The following SRD5A1 variants were observed in gnomAD, a reference collection of about 807,000 sequenced individuals.
SRD5A1 encodes the protein 3-oxo-5-alpha-steroid 4-dehydrogenase 1.
In SRD5A1, 22 loss-of-function variants were observed where a neutral mutation model predicts 28.2. The observed-to-expected ratio is 0.78, with a 90% confidence interval of 0.56 to 1.12. The LOEUF (loss-of-function observed/expected upper bound fraction) is 1.12. Ranked by LOEUF, SRD5A1 falls within the 50% of genes most tolerant of loss-of-function variation. The probability of loss-of-function intolerance (pLI) is 0.00; values close to 1 mark genes in which losing one functional copy is unlikely to be tolerated. For missense variants in SRD5A1, 300 were observed against 346.7 expected, an observed-to-expected ratio of 0.87 and a Z score of 1.07; for synonymous variants, 151 against 135.0, an observed-to-expected ratio of 1.12 and a Z score of -0.82.
intron 2 of SRD5A1, among the ~76,000 whole-genome samples, chr5:6,654,261 T>C (rs1450901061): frequency 1.3e-5 from 2 of 152,022 alleles, no homozygotes. Context: ...TTCATCATGT[T>C]GGCCAGACTG....
At chr5:6,662,328 G>A (rs1739032418) in intron 3 of SRD5A1, among the ~76,000 whole-genome samples, 1 of 152,240 alleles carries the variant, frequency 6.6e-6, no homozygotes, top group South Asian at 2.1e-4. Context: ...TCATGACACT[G>A]GAGTTCATGG....
intron 3 of SRD5A1, among the ~76,000 whole-genome samples, chr5:6,659,741 G>A (rs1738949239): frequency 2.6e-5 from 4 of 152,236 alleles, no homozygotes; most frequent in African/African-American, 9.6e-5. Context: ...GCAGCAACAC[G>A]AGAGGCCCAA....
chr5:6,658,684 C>T (rs1242274220), intron 3 of SRD5A1, among the ~76,000 whole-genome samples: 1 of 152,166 alleles, frequency 6.6e-6, no homozygotes, highest in African/African-American at 2.4e-5. Context: ...AATTTCTCCT[C>T]TCCAAGTACT....
chr5:6,647,732 C>G (rs996603418), intron 1 of SRD5A1, among the ~76,000 whole-genome samples: 2 of 152,142 alleles, frequency 1.3e-5, no homozygotes, highest in Non-Finnish European at 2.9e-5. Flanking sequence ...GTTTGCCAGT[C>G]TGTGTCTTTT....
chr5:6,637,022 C>T (rs1016744712), intron 1 of SRD5A1, among the ~76,000 whole-genome samples: 1 of 152,128 alleles, frequency 6.6e-6, no homozygotes, highest in Admixed American at 6.5e-5. Context: ...TTAGGGCTCA[C>T]GGTAGCGACA....
intron 3 of SRD5A1, among the ~76,000 whole-genome samples, chr5:6,659,894 C>T (rs371152690): frequency 6.6e-6 from 1 of 152,186 alleles, no homozygotes; most frequent in South Asian, 2.1e-4. Flanking sequence ...CAGCTCCCTT[C>T]GCTGCAGACT....
chr5:6,649,203 C>T (rs1738593661), intron 1 of SRD5A1, among the ~76,000 whole-genome samples: 1 of 152,288 alleles, frequency 6.6e-6, no homozygotes, highest in South Asian at 2.1e-4. Flanking sequence ...CACAGGGGGT[C>T]AGGGACCCAC....
At chr5:6,635,250 C>T (rs893632646) in intron 1 of SRD5A1, among the ~76,000 whole-genome samples, 1 of 152,144 alleles carries the variant, frequency 6.6e-6, no homozygotes, top group African/African-American at 2.4e-5. Context: ...TAAACAAGGG[C>T]AAGTCAACAT....
At chr5:6,639,937 GT>G (rs1374599776) in intron 1 of SRD5A1, among the ~76,000 whole-genome samples, 2 of 152,116 alleles carry the variant, frequency 1.3e-5, no homozygotes, top group Non-Finnish European at 2.9e-5. Flanking sequence ...CTTTTAATAA[GT>G]TTTTTTCTAA....
intron 3 of SRD5A1, among the ~76,000 whole-genome samples, chr5:6,656,861 C>T (rs1170084956): frequency 1.3e-5 from 2 of 152,130 alleles, no homozygotes; most frequent in Non-Finnish European, 2.9e-5. Context: ...GAGGCACGGT[C>T]ACAAGGTACA....
intron 1 of SRD5A1, 92 bp downstream of exon 1, chr5:6,633,961 C>A (rs373452172): frequency 1.4e-6 from 2 of 1,386,866 alleles, no homozygotes; most frequent in Non-Finnish European, 2.0e-6. Flanking sequence ...CTCCCCGAAG[C>A]CTCCCCCACC....
chr5:6,641,239 CAAAG>C (rs1384133014), intron 1 of SRD5A1, among the ~76,000 whole-genome samples: 1 of 152,204 alleles, frequency 6.6e-6, no homozygotes, highest in East Asian at 1.9e-4. Flanking sequence ...AGAGTCTAAA[CAAAG>C]ACTCAGGTAA....
At position 6,650,482 on chromosome 5, in the gene SRD5A1, C is replaced by A. The variant is rs549305835; in HGVS notation, c.294-1360C>A. On this transcript the variant is annotated intron_variant, in intron 1 of 4. Transcript: ENST00000274192. ...GGATATGTAGTGATGTCCCCTCTTT[C>A]AATGTGTTATACACTTATATTAAAA... Among the ~76,000 whole-genome samples, 9 of 151,410 alleles carry A rather than the reference C, an allele frequency of 5.9e-5. No individual in the cohort carries two copies. The East Asian group carries it at 1.7e-3, about 29-fold the overall frequency.
rs757121026 is a variant in SRD5A1, at chr5:6,633,643, G to T, written c.67G>T (p.Val23Leu). ...LAALAYLQCA[V>L]GCAVFARNRQ... ...CGCGCTCGCCTACCTGCAGTGCGCC[G>T]TGGGCTGCGCGGTCTTCGCGCGCAA... Residue 23 changes from valine to leucine, a missense_variant, in exon 1 of 5, where the codon GTG becomes TTG. Around this residue, in one of 2 missense-constraint regions of SRD5A1, gnomAD observed 174 missense variants for 160.9 expected, o/e 1.08. Coordinates refer to ENST00000274192, the MANE Select transcript of SRD5A1 (RefSeq NM_001047.4). 9.6e-6 allele frequency: 15 copies of T among 1,560,000 alleles called. No homozygotes were observed. Among genetic ancestry groups the T allele is most frequent in the Non-Finnish European group, 1.3e-5 (15 of 1,160,194 alleles).
At chr5:6,639,967 T>C (rs1185319984) in intron 1 of SRD5A1, among the ~76,000 whole-genome samples, 2 of 152,258 alleles carry the variant, frequency 1.3e-5, no homozygotes, top group South Asian at 4.1e-4. Flanking sequence ...GATACACACA[T>C]ACACATACAA....
intron 4 of SRD5A1, among the ~76,000 whole-genome samples, chr5:6,667,402 A>G (rs8192250): frequency 0.025 from 3,815 of 152,016 alleles, 52 homozygotes; most frequent in Non-Finnish European, 0.029. Context: ...GGTTTTGCCA[A>G]CTCCCTCTCA....
chr5:6,652,891 A>C (rs1738721290), intron 2 of SRD5A1, among the ~76,000 whole-genome samples: 1 of 151,798 alleles, frequency 6.6e-6, no homozygotes, highest in Non-Finnish European at 1.5e-5. Flanking sequence ...AAAAAAAAAA[A>C]AACTCAGGGA....
At chr5:6,654,894 G>A (rs932291765) in intron 2 of SRD5A1, among the ~76,000 whole-genome samples, 16 of 152,128 alleles carry the variant, frequency 1.1e-4, no homozygotes, top group African/African-American at 3.4e-4. Context: ...TCTCATATTG[G>A]AAGCCAAATT....
At chr5:6,668,089 T>C (rs1455283409) in intron 4 of SRD5A1, 113 bp from the exon 5 acceptor site, 8 of 628,956 alleles carry the variant, frequency 1.3e-5, no homozygotes, top group East Asian at 6.0e-5. Context: ...TTTTTGTTAC[T>C]ACATTTAAAA....
Sources: allele counts gnomAD v4.1 joint callset (sites outside exome capture counted in the v4.1 genomes callset), GRCh38; gene constraint gnomAD v4.1.1; regional missense constraint gnomAD v4.1.1; transcripts MANE v1.5; gene names NCBI Gene and HGNC (gene_info 2026-07-23, HGNC 2026-07-21).